The following LMX1A variants were observed in gnomAD, a reference collection of about 807,000 sequenced individuals.
LMX1A encodes the protein LIM homeobox transcription factor 1 alpha.
A neutral mutation model predicts 49.1 loss-of-function variants in LMX1A; 15 were observed. The observed-to-expected ratio is 0.31, with a 90% CI of 0.20 to 0.47. LMX1A has a LOEUF of 0.47. Among genes scored for constraint, LMX1A ranks in the 20% least tolerant of loss-of-function variants. The pLI is 1.00. For synonymous variants in LMX1A, 167 were observed against 185.7 expected, an observed-to-expected ratio of 0.90 and a Z score of 0.82; for missense variants, 372 against 475.8, an observed-to-expected ratio of 0.78 and a Z score of 2.03.
intron 3 of LMX1A, among the ~76,000 whole-genome samples, chr1:165,295,543 C>T (rs1654592318): frequency 6.6e-6 from 1 of 151,270 alleles, no homozygotes; most frequent in African/African-American, 2.4e-5. Context: ...TTTCCCAACT[C>T]CCAGATATAA....
rs148126113 is a variant in LMX1A, at chr1:165,203,977, C to G, written c.1052G>C (p.Cys351Ser). The G allele has an allele frequency of 3.1e-6, 5 of 1,614,006 alleles. No individual in the cohort carries two copies. The highest frequency in any genetic ancestry group is 1.1e-5 in the South Asian group (1 of 91,084). The change falls in exon 9 of 9, where the codon TGT becomes TCT. Residue 351 changes from cysteine to serine, a missense_variant. Around this residue, in one of 3 missense-constraint regions of LMX1A, gnomAD observed 127 missense variants for 138.0 expected, o/e 0.92. Coordinates refer to ENST00000342310, the MANE Select transcript of LMX1A (RefSeq NM_177398.4). Reference protein sequence around the residue: ...DDTSLSNLGDCFLATSEAGPL... With the variant: ...DDTSLSNLGDSFLATSEAGPL... The stretch of plus-strand genomic sequence containing the variant: ...CCCAGCTTCTGAGGTTGCTAGGAAA[C>G]AATCACCCAGGTTACTGAGGGAGGT...
chr1:165,250,874 G>A (rs1216623926), intron 3 of LMX1A, among the ~76,000 whole-genome samples: 2 of 152,118 alleles, frequency 1.3e-5, no homozygotes, highest in African/African-American at 4.8e-5. Context: ...AGGCACAAAG[G>A]GGTGGGAGGA....
chr1:165,208,024 A>G, intron 7 of LMX1A, 39 bp downstream of exon 7: 1 of 1,585,130 alleles, frequency 6.3e-7, no homozygotes, highest in East Asian at 2.2e-5. Flanking sequence ...AACAGCCTGG[A>G]TTCCAGCCAG....
At position 165,346,615 on chromosome 1, in the gene LMX1A, T is replaced by C. The variant is rs1037074621; in HGVS notation, c.263+6461A>G. Among the ~76,000 whole-genome samples the C allele has an allele frequency of 3.9e-5, 6 of 152,220 alleles. No individual in the cohort carries two copies. In the East Asian group the frequency reaches 7.7e-4, roughly 20 times the overall value. On this transcript the variant is annotated intron_variant, in intron 3 of 8. Coordinates refer to ENST00000342310, the MANE Select transcript of LMX1A (RefSeq NM_177398.4). ...GGGCTATTTGTGACAGGACCAAGTATACCCACAGGGTAGGAAACCGATGAA... is the reference window on the plus strand; with the variant it reads ...GGGCTATTTGTGACAGGACCAAGTACACCCACAGGGTAGGAAACCGATGAA...
intron 3 of LMX1A, among the ~76,000 whole-genome samples, chr1:165,337,888 C>CTGTGTGTGTGTGTGTGTGTGTG (rs6143463): frequency 0.048 from 6,983 of 146,872 alleles, 462 homozygotes; most frequent in African/African-American, 0.14. Context: ...GTGTGTGTTT[C>CTGTGTGTGTGTGTGTGTGTGTG]TGTGTGTGTG....
chr1:165,266,595 C>CT (rs61551654), intron 3 of LMX1A, among the ~76,000 whole-genome samples: 30,156 of 78,936 alleles, frequency 0.38, 7,111 homozygotes, highest in East Asian at 0.66. Flanking sequence ...TTCTTTCTTT[C>CT]TTTTTTTTTT....
Position 165,203,911 on chromosome 1 carries a change from T to A in LMX1A, c.1118A>T (p.Tyr373Phe). ...SRVGNPIDHL[Y>F]SMQNSYFTS Reference sequence around the variant, plus strand: ...TGTGAAGTAAGAATTCTGCATGGAGTACAGATGGTCAATGGGGTTTCCCAC... The same window carrying A: ...TGTGAAGTAAGAATTCTGCATGGAGAACAGATGGTCAATGGGGTTTCCCAC... The change falls in exon 9 of 9, where the codon TAC becomes TTC. Residue 373 changes from tyrosine to phenylalanine, a missense_variant. By Grantham distance (22) the Tyr-to-Phe change is conservative. Around this residue, in one of 3 missense-constraint regions of LMX1A, gnomAD observed 127 missense variants for 138.0 expected, o/e 0.92. Coordinates refer to ENST00000342310, the MANE Select transcript of LMX1A (RefSeq NM_177398.4). 6.2e-7 allele frequency: 1 copy of A among 1,614,040 alleles called. No individual in the cohort carries two copies. Among genetic ancestry groups the A allele is most frequent in the Non-Finnish European group, 8.5e-7 (1 of 1,180,002 alleles).
chr1:165,221,149 C>T (rs1039189463), intron 4 of LMX1A, among the ~76,000 whole-genome samples: 2 of 152,076 alleles, frequency 1.3e-5, no homozygotes, highest in African/African-American at 4.8e-5. Flanking sequence ...TCTCTCCCTA[C>T]CTGCTTGATT....
chr1:165,241,148 C>T (rs1239415940), intron 4 of LMX1A, among the ~76,000 whole-genome samples: 2 of 152,158 alleles, frequency 1.3e-5, no homozygotes, highest in Non-Finnish European at 2.9e-5. Flanking sequence ...ACACAGGCCC[C>T]ATGGTATGAA....
At chr1:165,309,397 G>C (rs577020365) in intron 3 of LMX1A, among the ~76,000 whole-genome samples, 7 of 152,332 alleles carry the variant, frequency 4.6e-5, no homozygotes, top group Admixed American at 1.3e-4. Context: ...GTCCTGGTGG[G>C]GGGCTGGAGG....
chr1:165,293,708 C>T (rs7534017), intron 3 of LMX1A, among the ~76,000 whole-genome samples: 66,920 of 152,080 alleles, frequency 0.44, 15,344 homozygotes, highest in African/African-American at 0.56. Context: ...GCAGATTCAG[C>T]GTCTGGTCAG....
At chr1:165,307,347 T>C (rs1654945748) in intron 3 of LMX1A, among the ~76,000 whole-genome samples, 1 of 152,216 alleles carries the variant, frequency 6.6e-6, no homozygotes, top group African/African-American at 2.4e-5. Context: ...TTAAAACTTA[T>C]AAATATTTGC....
At chr1:165,280,161 G>T (rs190134258) in intron 3 of LMX1A, among the ~76,000 whole-genome samples, 5 of 152,290 alleles carry the variant, frequency 3.3e-5, no homozygotes, top group Admixed American at 1.3e-4. Context: ...ATTCTCAGCA[G>T]ATTCGGGCTT....
chr1:165,294,889 G>A (rs931022764), intron 3 of LMX1A, among the ~76,000 whole-genome samples: 4 of 152,094 alleles, frequency 2.6e-5, no homozygotes, highest in African/African-American at 9.7e-5. Context: ...CCTTGAACCC[G>A]GGAGGCAGAG....
At position 165,333,036 on chromosome 1, in the gene LMX1A, C is replaced by T. The variant is rs192324473; in HGVS notation, c.263+20040G>A. Among the ~76,000 whole-genome samples, 135 of 152,322 alleles carry T rather than the reference C, an allele frequency of 8.9e-4. 1 individual carries two copies. The highest frequency in any genetic ancestry group is 9.7e-4 in the Non-Finnish European group (66 of 68,028). On this transcript the variant is annotated intron_variant, in intron 3 of 8. Coordinates refer to ENST00000342310, the MANE Select transcript of LMX1A (RefSeq NM_177398.4). ...TGCGGCATTGGGACCATCACTTAGC[C>T]TCTTGGAGCCTCGATTTCCTTATCT...
intron 3 of LMX1A, among the ~76,000 whole-genome samples, chr1:165,307,595 A>T (rs1654955321): frequency 6.6e-6 from 1 of 152,200 alleles, no homozygotes; most frequent in Non-Finnish European, 1.5e-5. Context: ...CATACATGCT[A>T]TACATATGTG....
intron 4 of LMX1A, among the ~76,000 whole-genome samples, chr1:165,232,462 T>C (rs1056444957): frequency 2.0e-5 from 3 of 152,274 alleles, no homozygotes; most frequent in Middle Eastern, 3.4e-3. Context: ...TGGAGAGCCA[T>C]GAGACACTAG....
At chr1:165,214,223 C>T (rs1158678452) in intron 4 of LMX1A, among the ~76,000 whole-genome samples, 2 of 152,114 alleles carry the variant, frequency 1.3e-5, no homozygotes, top group Non-Finnish European at 1.5e-5. Context: ...AGTTCTCACA[C>T]GATCTGATGG....
intron 4 of LMX1A, among the ~76,000 whole-genome samples, chr1:165,242,943 A>AAAC (rs1652711027): frequency 6.7e-6 from 1 of 150,040 alleles, no homozygotes; most frequent in Admixed American, 6.6e-5. Context: ...AAAAAAAAAA[A>AAAC]AAAACAAAAC....
Sources: allele counts gnomAD v4.1 joint callset (sites outside exome capture counted in the v4.1 genomes callset), GRCh38; gene constraint gnomAD v4.1.1; regional missense constraint gnomAD v4.1.1; transcripts MANE v1.5; gene names NCBI Gene and HGNC (gene_info 2026-07-23, HGNC 2026-07-21).